Variants in MARK2 observed in about 807,000 individuals in gnomAD.
MARK2 encodes the protein serine/threonine-protein kinase MARK2.
In MARK2, 16 loss-of-function variants were observed where a neutral mutation model predicts 89.8. The ratio of observed to expected loss-of-function variants is 0.18; its 90% CI spans 0.12 to 0.27. The LOEUF (loss-of-function observed/expected upper bound fraction) is 0.27, where lower values mean the gene tolerates loss of function less well. MARK2 is among the 10% of genes least tolerant of loss of function. The pLI is 1.00. For missense variants in MARK2, 621 were observed against 1,049.9 expected (o/e 0.59, Z 5.65); for synonymous variants, 382 against 399.5 (o/e 0.96, Z 0.52).
In MARK2 at chr11:63,839,212, C is replaced by A. The variant is rs1018544039; in HGVS notation, c.-295C>A. On this transcript the variant is annotated 5_prime_UTR_variant, in exon 1 of 19. Transcript: ENST00000402010. ...GAGGGCAGGGGAGGAGCGAGGCAGGCGGCCGGCTGCGGCGGCAGAGAGTAG... is the reference window on the plus strand; with the variant it reads ...GAGGGCAGGGGAGGAGCGAGGCAGGAGGCCGGCTGCGGCGGCAGAGAGTAG... 8 of 221,164 alleles carry A rather than the reference C, an allele frequency of 3.6e-5. No homozygotes were observed. Among genetic ancestry groups the A allele is most frequent in the African/African-American group, 1.9e-4 (8 of 43,026 alleles). 13.7% of individuals were successfully genotyped at this position (221,164 alleles called of 1,614,324 possible).
At chr11:63,851,482 T>TG (rs2016570572) in intron 1 of MARK2, among the ~76,000 whole-genome samples, 1 of 150,848 alleles carries the variant, frequency 6.6e-6, no homozygotes, top group Non-Finnish European at 1.5e-5. Context: ...TCCTCTTCCT[T>TG]TTGAACCCCT....
chr11:63,895,207 A>T lies in MARK2; in HGVS notation c.103A>T (p.Ile35Phe). The change falls in exon 2 of 19, where the codon ATT (isoleucine) becomes TTT (phenylalanine). Residue 35 changes from isoleucine (I) to phenylalanine (F), a missense_variant. By Grantham distance (21) the Ile-to-Phe change is conservative (BLOSUM62 0). This residue lies in a region of MARK2 where 60 missense variants were observed against 73.2 expected (regional missense o/e 0.82). Coordinates refer to ENST00000402010, the MANE Select transcript of MARK2 (RefSeq NM_001039469.3). ...CAAGCCCAGCAGTAAGTCCAACATGATTCGGGGCCGCAACTCAGCCACCTC... is the reference window on the plus strand; with the variant it reads ...CAAGCCCAGCAGTAAGTCCAACATGTTTCGGGGCCGCAACTCAGCCACCTC... ...DSKPSSKSNM[I>F]RGRNSATSAD... is the part of the protein sequence containing the mutation. 1 of 1,614,130 alleles carries T rather than the reference A, an allele frequency of 6.2e-7. No individual in the cohort carries two copies. The highest frequency in any genetic ancestry group is 1.6e-4 in the Middle Eastern group (1 of 6,062).
chr11:63,859,925 C>T (rs577727555), intron 1 of MARK2, among the ~76,000 whole-genome samples: 6 of 152,286 alleles, frequency 3.9e-5, no homozygotes, highest in South Asian at 2.1e-4. Flanking sequence ...CCACCACATC[C>T]GGCCTCTAAC....
chr11:63,882,614 T>C (rs1939163296), intron 1 of MARK2: 1 of 152,130 alleles, frequency 6.6e-6, no homozygotes. Context: ...CACAAATTTG[T>C]GTGTCATCCT....
intron 1 of MARK2, among the ~76,000 whole-genome samples, chr11:63,873,225 G>A (rs1390070844): frequency 6.6e-6 from 1 of 152,114 alleles, no homozygotes; most frequent in Non-Finnish European, 1.5e-5. Flanking sequence ...GAGCTGGCTG[G>A]GTGGTTTGGG....
Position 63,898,782 on chromosome 11 carries a change from A to C in MARK2, c.423A>C (p.Leu141=), listed in dbSNP as rs767380393. ...YASGGEVFDY[L]VAHGRMKEKE... is the part of the protein sequence containing the mutation. ...TTACAGGAGAGGTATTTGATTACCT[A>C]GTGGCTCATGGCAGGATGAAAGAAA... Residue 141 remains leucine, a synonymous_variant, in exon 6 of 19, where the codon CTA becomes CTC. Coordinates refer to ENST00000402010, the MANE Select transcript of MARK2 (RefSeq NM_001039469.3). 6.2e-7 allele frequency: 1 copy of C among 1,614,122 alleles called. No individual in the cohort carries two copies. Among genetic ancestry groups the C allele is most frequent in the Non-Finnish European group, 8.5e-7 (1 of 1,180,004 alleles).
At chr11:63,865,502 T>C (rs1413054124) in intron 1 of MARK2, among the ~76,000 whole-genome samples, 1 of 152,254 alleles carries the variant, frequency 6.6e-6, no homozygotes, top group African/African-American at 2.4e-5. Flanking sequence ...AACACATTTT[T>C]ATCTCTCAAC....
intron 1 of MARK2, chr11:63,869,011 C>CTG (rs1232957535): frequency 5.3e-6 from 2 of 374,142 alleles, no homozygotes; most frequent in Non-Finnish European, 1.1e-5. Context: ...TCCGAGGCCA[C>CTG]TGTGAGTGAG....
intron 16 of MARK2, among the ~76,000 whole-genome samples, chr11:63,905,694 G>A (rs1390181918): frequency 1.3e-5 from 2 of 152,276 alleles, no homozygotes; most frequent in African/African-American, 4.8e-5. Context: ...CAGAGGTGCA[G>A]CTTGAAGTGC....
chr11:63,856,768 G>GGTTTT (rs1565100741), intron 1 of MARK2, among the ~76,000 whole-genome samples: 3 of 53,808 alleles, frequency 5.6e-5, no homozygotes, highest in East Asian at 1.4e-3. Flanking sequence ...AATTTTTCAT[G>GGTTTT]TTTTTTTTTT....
At chr11:63,868,691 A>G (rs1323061429) in intron 1 of MARK2, 1 of 445,820 alleles carries the variant, frequency 2.2e-6, no homozygotes, top group Non-Finnish European at 4.6e-6. Flanking sequence ...TGCCCCTGAC[A>G]CCAACGTGTC....
chr11:63,856,324 T>TTTG (rs1565100289), intron 1 of MARK2, among the ~76,000 whole-genome samples: 1 of 149,424 alleles, frequency 6.7e-6, no homozygotes, highest in African/African-American at 2.5e-5. Flanking sequence ...TTTTTTTGTT[T>TTTG]TTTTTTTTTT....
At chr11:63,898,542 C>A in intron 4 of MARK2, 66 bp from the exon 5 acceptor site, 1 of 1,239,492 alleles carries the variant, frequency 8.1e-7, no homozygotes, top group Non-Finnish European at 1.2e-6. Flanking sequence ...TGCTCCTGGA[C>A]ATGTTGGAGA....
At chr11:63,877,998 C>G (rs540003373) in intron 1 of MARK2, among the ~76,000 whole-genome samples, 14 of 152,346 alleles carry the variant, frequency 9.2e-5, no homozygotes, top group African/African-American at 2.9e-4. Context: ...GCCATGGCCA[C>G]TTAGTAACAG....
At chr11:63,844,917 A>T (rs1305722727) in intron 1 of MARK2, among the ~76,000 whole-genome samples, 1 of 152,196 alleles carries the variant, frequency 6.6e-6, no homozygotes, top group African/African-American at 2.4e-5. Context: ...CTACTTATGT[A>T]TTATGTCGAC....
chr11:63,873,708 C>T (rs545170540), intron 1 of MARK2, among the ~76,000 whole-genome samples: 1 of 152,150 alleles, frequency 6.6e-6, no homozygotes, highest in Non-Finnish European at 1.5e-5. Context: ...TGCAGTGGCG[C>T]GATCTCGGCT....
intron 7 of MARK2, 92 bp downstream of exon 7, chr11:63,899,200 C>T: frequency 2.5e-6 from 2 of 786,452 alleles, no homozygotes; most frequent in Non-Finnish European, 4.4e-6. Flanking sequence ...ACCATCAGGC[C>T]CTGAGTGTTC....
intron 1 of MARK2, among the ~76,000 whole-genome samples, chr11:63,850,446 C>T (rs1350742998): frequency 6.7e-6 from 1 of 149,310 alleles, no homozygotes; most frequent in African/African-American, 2.5e-5. Context: ...GGATTACAGG[C>T]GTGAGCCACT....
rs1430322942 is a variant in MARK2 at position 63,839,272 on chromosome 11, G to A, written c.-235G>A. On this transcript the variant is annotated 5_prime_UTR_variant, in exon 1 of 19. Coordinates refer to ENST00000402010, the MANE Select transcript of MARK2 (RefSeq NM_001039469.3). ...CGCGGCCCGGCCGAAAGGCGGCACAGCCCAGCCGGGGGTCGGGGGGGTGCG... is the reference window on the plus strand; with the variant it reads ...CGCGGCCCGGCCGAAAGGCGGCACAACCCAGCCGGGGGTCGGGGGGGTGCG... 6.8e-6 allele frequency: 2 copies of A among 295,756 alleles called. No homozygotes were observed. The highest frequency in any genetic ancestry group is 5.9e-5 in the East Asian group (1 of 16,928). 18.3% of individuals were successfully genotyped at this position (295,756 alleles called of 1,614,324 possible). A position where few individuals can be genotyped will look rare whatever the true frequency, so the allele number is the denominator to read the frequency against.
Sources: allele counts gnomAD v4.1 joint callset (sites outside exome capture counted in the v4.1 genomes callset), GRCh38; gene constraint gnomAD v4.1.1; regional missense constraint gnomAD v4.1.1; transcripts MANE v1.5; gene names NCBI Gene and HGNC (gene_info 2026-07-23, HGNC 2026-07-21).